Variants in GRB14 observed in about 807,000 individuals in gnomAD.
GRB14 encodes the protein growth factor receptor-bound protein 14.
In GRB14, 38 loss-of-function variants were observed where a neutral mutation model predicts 69.1. The ratio of observed to expected loss-of-function variants is 0.55; its 90% confidence interval spans 0.42 to 0.72. GRB14 has a LOEUF of 0.72. Among genes scored for constraint, GRB14 ranks in the 30% least tolerant of loss-of-function variants. GRB14 has a pLI of 0.00. For synonymous variants in GRB14, 247 were observed against 241.3 expected, an observed-to-expected ratio of 1.02 and a Z score of -0.22; for missense variants, 666 against 666.1, an observed-to-expected ratio of 1.00 and a Z score of 0.00.
At chr2:164,494,799 T>G (rs1218462152) in intron 12 of GRB14, among the ~76,000 whole-genome samples, 1 of 152,204 alleles carries the variant, frequency 6.6e-6, no homozygotes, top group African/African-American at 2.4e-5. Flanking sequence ...TACACTGTTA[T>G]GTCTGCATCA....
At chr2:164,559,447 T>C (rs1371725696) in intron 2 of GRB14, among the ~76,000 whole-genome samples, 1 of 152,120 alleles carries the variant, frequency 6.6e-6, no homozygotes, top group Non-Finnish European at 1.5e-5. Flanking sequence ...GCCTGCTCCC[T>C]CTTTCCCCCC....
At chr2:164,508,192 A>C (rs1440468665) in intron 8 of GRB14, among the ~76,000 whole-genome samples, 1 of 152,244 alleles carries the variant, frequency 6.6e-6, no homozygotes, top group Non-Finnish European at 1.5e-5. Context: ...TGGCTATGTA[A>C]TACCTTCACA....
chr2:164,523,524 AG>A (rs1687690497), intron 5 of GRB14, among the ~76,000 whole-genome samples: 2 of 152,260 alleles, frequency 1.3e-5, no homozygotes, highest in Admixed American at 1.3e-4. Flanking sequence ...AGGCTACTAA[AG>A]GAAATGCTGA....
At chr2:164,563,956 C>T (rs554999029) in intron 2 of GRB14, among the ~76,000 whole-genome samples, 1 of 152,122 alleles carries the variant, frequency 6.6e-6, no homozygotes, top group African/African-American at 2.4e-5. Context: ...GGCAATATGA[C>T]TTAAATATTA....
intron 2 of GRB14, among the ~76,000 whole-genome samples, chr2:164,592,902 T>G (rs1485744537): frequency 6.6e-6 from 1 of 152,186 alleles, no homozygotes; most frequent in Non-Finnish European, 1.5e-5. Flanking sequence ...GCCCTTACCT[T>G]TCTGATCAGT....
chr2:164,568,262 G>GA (rs773777348), intron 2 of GRB14: 191 of 1,139,412 alleles, frequency 1.7e-4, no homozygotes, highest in Non-Finnish European at 1.9e-4. Flanking sequence ...AGTAACAGGG[G>GA]AAAAAAAGCA....
At chr2:164,549,938 T>TAAAA (rs1207075898) in intron 2 of GRB14, among the ~76,000 whole-genome samples, 2 of 149,150 alleles carry the variant, frequency 1.3e-5, no homozygotes, top group Admixed American at 6.7e-5. Context: ...TAAAATAAAA[T>TAAAA]TTCATATTCT....
chr2:164,565,278 T>TCACACACAAACACA (rs1688941316), intron 2 of GRB14, among the ~76,000 whole-genome samples: 1 of 125,728 alleles, frequency 8.0e-6, no homozygotes, highest in Non-Finnish European at 1.9e-5. Flanking sequence ...TATCACACAC[T>TCACACACAAACACA]CACACACACA....
Position 164,494,465 on chromosome 2 carries a change from T to C in GRB14, c.1442A>G (p.His481Arg). 1 of 1,601,962 alleles carries C rather than the reference T, an allele frequency of 6.2e-7. No individual in the cohort carries two copies. The highest frequency in any genetic ancestry group is 8.6e-7 in the Non-Finnish European group (1 of 1,169,052). ...NPKTFVLSMS[H>R]GQKIKHFQII... ...TTGAAAGTGCTTTATTTTTTGTCCA[T>C]GACTCATTGACAGTACGAAAGTTTT... is the stretch of plus-strand genomic sequence containing the variant. The change falls in exon 13 of 14, where the codon CAT becomes CGT. Residue 481 changes from histidine (H) to arginine (R), a missense_variant. Transcript: ENST00000263915.
intron 2 of GRB14, among the ~76,000 whole-genome samples, chr2:164,616,093 T>A (rs1690285689): frequency 6.6e-6 from 1 of 152,026 alleles, no homozygotes; most frequent in Non-Finnish European, 1.5e-5. Context: ...GCCTAGGAAA[T>A]CTGGCCATCA....
intron 3 of GRB14, among the ~76,000 whole-genome samples, chr2:164,528,137 G>T (rs1213825829): frequency 6.6e-6 from 1 of 152,044 alleles, no homozygotes; most frequent in Non-Finnish European, 1.5e-5. Context: ...TACAGTGCTA[G>T]AAAGGGTTTT....
At position 164,621,327 on chromosome 2, in the gene GRB14, C is replaced by G. The variant is rs1690457639; in HGVS notation, c.-18G>C. The G allele has an allele frequency of 2.4e-5, 31 of 1,280,418 alleles. No individual in the cohort carries two copies. Among genetic ancestry groups the G allele is most frequent in the Non-Finnish European group, 3.1e-5 (31 of 1,013,744 alleles). 79.3% of individuals were successfully genotyped at this position (1,280,418 alleles called of 1,614,324 possible). Reference sequence around the variant, plus strand: ...GTGGTCATTGTCGCCGGCCGGGGGGCTCGGGCGTCATGGGAGACTCGGCGC... The same window carrying G: ...GTGGTCATTGTCGCCGGCCGGGGGGGTCGGGCGTCATGGGAGACTCGGCGC... On this transcript the variant is annotated 5_prime_UTR_variant, in exon 1 of 14. Transcript: ENST00000263915. The surrounding 1 kb of genome is among the most constrained non-coding windows in gnomAD (Gnocchi z 6.0).
intron 1 of GRB14, 58 bp from the exon 2 acceptor site, chr2:164,619,877 C>T: frequency 5.5e-6 from 8 of 1,443,584 alleles, no homozygotes; most frequent in Non-Finnish European, 7.7e-6. Context: ...AATATAATTG[C>T]TGTCAGGAAT....
intron 2 of GRB14, among the ~76,000 whole-genome samples, chr2:164,608,153 A>G (rs1312249614): frequency 6.6e-6 from 1 of 152,066 alleles, no homozygotes; most frequent in Non-Finnish European, 1.5e-5. Flanking sequence ...GGGCAGATCA[A>G]CTGAGGTCAG....
At chr2:164,548,827 T>G in intron 2 of GRB14, among the ~76,000 whole-genome samples, 1 of 152,184 alleles carries the variant, frequency 6.6e-6, no homozygotes, top group Non-Finnish European at 1.5e-5. Flanking sequence ...TTGACCACCT[T>G]TTCATATACC....
At chr2:164,507,976 AT>A (rs1306142868) in intron 8 of GRB14, among the ~76,000 whole-genome samples, 1 of 152,210 alleles carries the variant, frequency 6.6e-6, no homozygotes, top group Non-Finnish European at 1.5e-5. Flanking sequence ...TGTTTAAAAA[AT>A]ATATTCATAG....
intron 2 of GRB14, among the ~76,000 whole-genome samples, chr2:164,570,569 T>C (rs1372031955): frequency 6.6e-6 from 1 of 151,980 alleles, no homozygotes; most frequent in Non-Finnish European, 1.5e-5. Flanking sequence ...AACTGCACAA[T>C]AGGGGTAAGA....
At chr2:164,508,408 T>C in intron 8 of GRB14, 47 bp downstream of exon 8, 1 of 1,435,430 alleles carries the variant, frequency 7.0e-7, no homozygotes, top group Non-Finnish European at 9.8e-7. Context: ...CTAACTTTTA[T>C]GGTACTCACA....
At chr2:164,576,115 A>G (rs991864041) in intron 2 of GRB14, among the ~76,000 whole-genome samples, 4 of 151,960 alleles carry the variant, frequency 2.6e-5, no homozygotes, top group Non-Finnish European at 5.9e-5. Context: ...AGAAAACACT[A>G]TAATGCTAAA....
Sources: gnomAD v4.1 joint callset for allele counts (sites outside exome capture counted in the v4.1 genomes callset) on GRCh38, gnomAD v4.1.1 for gene constraint, Gnocchi (gnomAD v3.1) non-coding constraint, MANE v1.5 for transcripts, NCBI Gene and HGNC (gene_info 2026-07-23, HGNC 2026-07-21) for gene names.